ADGRL3: variants seen among roughly 807,000 people sequenced by gnomAD.
ADGRL3 encodes the protein calcium-independent alpha-latrotoxin receptor 3.
A neutral mutation model predicts 153.5 loss-of-function variants in ADGRL3; 62 were observed. That is an observed-to-expected ratio of 0.40 (90% CI 0.33 to 0.50). The LOEUF (loss-of-function observed/expected upper bound fraction) is 0.50, where lower values mean the gene tolerates loss of function less well. Ranked by LOEUF, ADGRL3 falls within the 20% of genes least tolerant of loss-of-function variation. The pLI is 0.47. For missense variants in ADGRL3, 1,641 were observed against 1,859.4 expected, an observed-to-expected ratio of 0.88 and a Z score of 2.16; for synonymous variants, 710 against 672.5, an observed-to-expected ratio of 1.06 and a Z score of -0.86.
At chr4:61,429,784 G>A (rs1257558491) in intron 2 of ADGRL3, among the ~76,000 whole-genome samples, 1 of 152,112 alleles carries the variant, frequency 6.6e-6, no homozygotes, top group Non-Finnish European at 1.5e-5. Flanking sequence ...AAATAGTCAT[G>A]TTAATTAGGA....
At chr4:62,053,374 A>G (rs902289155) in intron 25 of ADGRL3, among the ~76,000 whole-genome samples, 1 of 151,604 alleles carries the variant, frequency 6.6e-6, no homozygotes, top group Non-Finnish European at 1.5e-5. Context: ...TCAGCTTTAT[A>G]TACTACATGC....
At chr4:61,432,560 T>TTCTC (rs2097367695) in intron 2 of ADGRL3, among the ~76,000 whole-genome samples, 1 of 33,350 alleles carries the variant, frequency 3.0e-5, no homozygotes, top group Non-Finnish European at 3.7e-4. Context: ...TATAGATTTC[T>TTCTC]TTTCTTTCTC....
chr4:62,034,776 T>G (rs1388505809), intron 23 of ADGRL3, among the ~76,000 whole-genome samples: 1 of 151,954 alleles, frequency 6.6e-6, no homozygotes, highest in Non-Finnish European at 1.5e-5. Flanking sequence ...TTTTTCTGAG[T>G]ATGGATTGTG....
chr4:61,274,702 T>C (rs192631635), intron 1 of ADGRL3, among the ~76,000 whole-genome samples: 157 of 152,150 alleles, frequency 1.0e-3, no homozygotes, highest in African/African-American at 3.5e-3. Context: ...GGCAGGAGGA[T>C]TGCTTGAGGC....
chr4:61,690,497 G>T (rs1188424980), intron 6 of ADGRL3, among the ~76,000 whole-genome samples: 4 of 151,896 alleles, frequency 2.6e-5, no homozygotes, highest in Non-Finnish European at 5.9e-5. Flanking sequence ...ATTATGGACA[G>T]AAAGAAAGAC....
At position 61,284,227 on chromosome 4, in the gene ADGRL3, T is replaced by C. The variant is rs116519965; in HGVS notation, c.-240+82462T>C. 1.9e-3 allele frequency among the ~76,000 whole-genome samples: 293 copies of C among 152,096 alleles called. 3 individuals are homozygous for C. Among genetic ancestry groups the C allele is most frequent in the African/African-American group, 6.8e-3 (281 of 41,548 alleles). ...GAGAGAGGCCTTCTAAGGTGAGAGA[T>C]ACCTTTGACTTTGAAGAAGTTGTTA... On this transcript the variant is annotated intron_variant, in intron 1 of 26. Transcript: ENST00000683033.
At chr4:61,442,815 C>T (rs2097541585) in intron 2 of ADGRL3, among the ~76,000 whole-genome samples, 1 of 152,020 alleles carries the variant, frequency 6.6e-6, no homozygotes, top group South Asian at 2.1e-4. Context: ...ATAATTTATA[C>T]TTTAAAAACC....
intron 1 of ADGRL3, among the ~76,000 whole-genome samples, chr4:61,308,143 C>CTCT (rs1353939577): frequency 6.6e-6 from 1 of 152,042 alleles, no homozygotes; most frequent in East Asian, 1.9e-4. Flanking sequence ...GGGAAAGGAC[C>CTCT]CAGAGAAGGG....
intron 15 of ADGRL3, among the ~76,000 whole-genome samples, chr4:61,936,749 C>G (rs2098840303): frequency 6.9e-6 from 1 of 145,112 alleles, no homozygotes; most frequent in Admixed American, 7.1e-5. Flanking sequence ...GTAGACCCCT[C>G]TTTCCCATAT....
At chr4:61,689,648 T>G (rs1159328479) in intron 6 of ADGRL3, among the ~76,000 whole-genome samples, 2 of 152,138 alleles carry the variant, frequency 1.3e-5, no homozygotes, top group Non-Finnish European at 2.9e-5. Context: ...TATAATCTCT[T>G]TAATTGAAAT....
intron 5 of ADGRL3, among the ~76,000 whole-genome samples, chr4:61,665,265 G>A (rs1021481387): frequency 6.6e-6 from 1 of 152,102 alleles, no homozygotes; most frequent in South Asian, 2.1e-4. Flanking sequence ...CAAAAAATTA[G>A]CTGGACATGG....
At chr4:61,409,173 A>T (rs1397270465) in intron 2 of ADGRL3, among the ~76,000 whole-genome samples, 1 of 145,288 alleles carries the variant, frequency 6.9e-6, no homozygotes, top group Non-Finnish European at 1.5e-5. Context: ...TTAGTTGAAA[A>T]ATTTTATTAT....
intron 1 of ADGRL3, among the ~76,000 whole-genome samples, chr4:61,282,750 A>G (rs1390641551): frequency 6.6e-6 from 1 of 152,052 alleles, no homozygotes; most frequent in Non-Finnish European, 1.5e-5. Context: ...ACAGATTTAA[A>G]ATGAATAGCA....
At chr4:61,923,847 A>G (rs1258241781) in intron 13 of ADGRL3, among the ~76,000 whole-genome samples, 1 of 152,154 alleles carries the variant, frequency 6.6e-6, no homozygotes, top group East Asian at 1.9e-4. Flanking sequence ...GCGAAGGAAC[A>G]GTGCCACTTT....
At chr4:61,405,976 G>T (rs1394293695) in intron 2 of ADGRL3, among the ~76,000 whole-genome samples, 3 of 151,922 alleles carry the variant, frequency 2.0e-5, no homozygotes, top group Non-Finnish European at 4.4e-5. Flanking sequence ...TATTTGAAAA[G>T]AAGTCAAAGA....
At chr4:61,467,510 A>G (rs373040998) in intron 2 of ADGRL3, among the ~76,000 whole-genome samples, 115 of 148,072 alleles carry the variant, frequency 7.8e-4, no homozygotes, top group Admixed American at 4.3e-3. Context: ...GAGAGAGATG[A>G]AGGGAGGGAG....
intron 8 of ADGRL3, among the ~76,000 whole-genome samples, chr4:61,737,424 G>C (rs778297529): frequency 6.6e-6 from 1 of 152,104 alleles, no homozygotes; most frequent in Non-Finnish European, 1.5e-5. Context: ...GGTGACACTT[G>C]GTGATGGTTA....
intron 2 of ADGRL3, among the ~76,000 whole-genome samples, chr4:61,438,560 G>C (rs150732619): frequency 9.4e-4 from 142 of 151,778 alleles, no homozygotes; most frequent in African/African-American, 3.3e-3. Flanking sequence ...AACTCCCATA[G>C]AAGAGGCCCC....
At chr4:61,869,936 TAAAAAAAAAAAAAAAA>T (rs1190618911) in intron 9 of ADGRL3, among the ~76,000 whole-genome samples, 8 of 10,502 alleles carry the variant, frequency 7.6e-4, no homozygotes, top group Admixed American at 1.7e-3. Flanking sequence ...AAAACTTTGT[TAAAAAAAAAAAAAAAA>T]AAAAAAAAAG....
Sources: gnomAD v4.1 joint callset for allele counts (sites outside exome capture counted in the v4.1 genomes callset) on GRCh38, gnomAD v4.1.1 for gene constraint, MANE v1.5 for transcripts, NCBI Gene and HGNC (gene_info 2026-07-23, HGNC 2026-07-21) for gene names.